UBR1: variants seen among roughly 807,000 people sequenced by gnomAD.
UBR1 encodes the protein ubiquitin protein ligase E3 component n-recognin 1, also known as E3 ubiquitin-protein ligase UBR1.
In UBR1, 102 loss-of-function variants were observed where a neutral mutation model predicts 242.1. That is an observed-to-expected ratio of 0.42 (90% CI 0.36 to 0.50). The LOEUF (loss-of-function observed/expected upper bound fraction) is 0.50, where lower values mean the gene tolerates loss of function less well. UBR1 is among the 20% of genes least tolerant of loss of function. The pLI is 0.01. For missense variants in UBR1, 1,772 were observed against 2,101.8 expected (o/e 0.84, Z 3.07); for synonymous variants, 675 against 684.8 (o/e 0.99, Z 0.22).
Position 43,059,707 on chromosome 15 carries a change from T to C in UBR1, c.980A>G (p.Tyr327Cys). 6.2e-7 allele frequency: 1 copy of C among 1,613,986 alleles called. No individual in the cohort carries two copies. Among genetic ancestry groups the C allele is most frequent in the East Asian group, 2.2e-5 (1 of 44,858 alleles). Residue 327 changes from tyrosine to cysteine, a missense_variant, in exon 8 of 47, where the codon TAT becomes TGT. This residue lies in a region of UBR1 where 734 missense variants were observed against 893.3 expected (regional missense o/e 0.82). Transcript: ENST00000290650. ...LGSWMNKIMS[Y>C]SSDFRQIFCQ... Reference sequence around the variant, plus strand: ...AAAACAGGAGGTATGCTTACTTGAATAGCTCATAATTTTGTTCATCCAGGA... The same window carrying C: ...AAAACAGGAGGTATGCTTACTTGAACAGCTCATAATTTTGTTCATCCAGGA...
At position 43,037,831 on chromosome 15, in the gene UBR1, A is replaced by G; in HGVS notation, c.1964T>C (p.Leu655Ser). The G allele has an allele frequency of 6.2e-7, 1 of 1,614,170 alleles. No individual in the cohort carries two copies. Among genetic ancestry groups the G allele is most frequent in the Non-Finnish European group, 8.5e-7 (1 of 1,180,026 alleles). Residue 655 changes from leucine (L) to serine (S), a missense_variant, in exon 17 of 47, where the codon TTG (leucine) becomes TCG (serine). Leu to Ser is a moderately radical substitution (Grantham distance 145). This residue lies in a region of UBR1 where 734 missense variants were observed against 893.3 expected (regional missense o/e 0.82). Coordinates refer to ENST00000290650, the MANE Select transcript of UBR1 (RefSeq NM_174916.3). The stretch of plus-strand genomic sequence containing the variant: ...CATCTCAGCAACAACCTGGGCAACC[A>G]ACACCAGACAACGTAAAGGATATTC... ...LVEYPLRCLV[L>S]VAQVVAEMWR...
chr15:43,084,137 A>G (rs1257536475), intron 2 of UBR1, among the ~76,000 whole-genome samples: 1 of 152,138 alleles, frequency 6.6e-6, no homozygotes, highest in East Asian at 1.9e-4. Context: ...TATATCATCT[A>G]TAGACCTATT....
chr15:42,963,569 G>A (rs755027107), intron 42 of UBR1, among the ~76,000 whole-genome samples: 5 of 151,870 alleles, frequency 3.3e-5, no homozygotes, highest in Non-Finnish European at 7.4e-5. Flanking sequence ...CCTGATACAT[G>A]CGCTACCATG....
intron 11 of UBR1, 54 bp from the exon 12 acceptor site, chr15:43,054,953 C>G: frequency 1.3e-6 from 2 of 1,585,050 alleles, no homozygotes; most frequent in Non-Finnish European, 1.7e-6. Context: ...GTGGTATGGA[C>G]TTAATTTATT....
intron 17 of UBR1, 61 bp from the exon 18 acceptor site, chr15:43,036,654 A>C: frequency 5.1e-6 from 6 of 1,180,336 alleles, no homozygotes; most frequent in Non-Finnish European, 7.5e-6. Context: ...CAAAATTCTC[A>C]AGAAAACCTA....
intron 4 of UBR1, among the ~76,000 whole-genome samples, chr15:43,073,161 AAAAAAC>A (rs1328579883): frequency 6.6e-6 from 1 of 152,182 alleles, no homozygotes; most frequent in Non-Finnish European, 1.5e-5. Flanking sequence ...AAAAAAACAA[AAAAAAC>A]AAAAACAAAA....
Position 42,988,885 on chromosome 15 carries a change from C to T in UBR1, c.3931G>A (p.Asp1311Asn). The T allele has an allele frequency of 6.2e-7, 1 of 1,614,192 alleles. No homozygotes were observed. Among genetic ancestry groups the T allele is most frequent in the Non-Finnish European group, 8.5e-7 (1 of 1,180,016 alleles). Reference sequence around the variant, plus strand: ...ATGGGGACTCGAGGATCCCTTTCATCAGGTGGCACTTTCAATCCAATTCTA... The same window carrying T: ...ATGGGGACTCGAGGATCCCTTTCATTAGGTGGCACTTTCAATCCAATTCTA... ...IYRIGLKVPP[D>N]ERDPRVPMLT... The change falls in exon 35 of 47, where the codon GAT (aspartate) becomes AAT (asparagine). Residue 1311 changes from aspartate to asparagine, a missense_variant. Around this residue, in one of 3 missense-constraint regions of UBR1, gnomAD observed 965 missense variants for 1,079.7 expected, o/e 0.89. Transcript: ENST00000290650.
intron 35 of UBR1, among the ~76,000 whole-genome samples, chr15:42,986,631 T>C (rs1219948228): frequency 6.6e-6 from 1 of 152,242 alleles, no homozygotes. Context: ...CTTTCCTATA[T>C]CCCACTTGAT....
Position 42,974,418 on chromosome 15 carries a change from C to A in UBR1, c.4369+2299G>T, listed in dbSNP as rs2032256408. 1.3e-5 allele frequency among the ~76,000 whole-genome samples: 2 copies of A among 152,138 alleles called. 1 individual carries two copies. Among genetic ancestry groups the A allele is most frequent in the South Asian group, 4.1e-4 (2 of 4,824 alleles). ...TATATCTGGGCTCTCTTTCATATTT[C>A]ATTGATCTATTTGTCTAATCTTTTG... On this transcript the variant is annotated intron_variant, in intron 39 of 46. Transcript: ENST00000290650.
intron 39 of UBR1, among the ~76,000 whole-genome samples, chr15:42,976,245 C>A (rs747210174): frequency 1.3e-5 from 2 of 151,932 alleles, no homozygotes; most frequent in African/African-American, 4.8e-5. Flanking sequence ...GACAAAGGAG[C>A]AGAGAGAGAG....
rs1437045284 is a variant in UBR1, at chr15:43,054,792, A to G, written c.1389T>C (p.Gly463=). The part of the protein sequence containing the change: ...LDRNNKFNFQ[G]YSQDKLGRVY... ...CTCTTCCCAATTTGTCCTGGCTATA[A>G]CCCTGGAAGTTGAATTTATTGTTCC... is the stretch of plus-strand genomic sequence containing the variant. The change falls in exon 12 of 47, where the codon GGT becomes GGC. Residue 463 remains glycine, a synonymous_variant. Coordinates refer to ENST00000290650, the MANE Select transcript of UBR1 (RefSeq NM_174916.3). 6.2e-7 allele frequency: 1 copy of G among 1,614,142 alleles called. No homozygotes were observed. Among genetic ancestry groups the G allele is most frequent in the South Asian group, 1.1e-5 (1 of 91,086 alleles).
chr15:43,064,037 T>C (rs1465390504), intron 6 of UBR1, among the ~76,000 whole-genome samples: 2 of 152,214 alleles, frequency 1.3e-5, no homozygotes, highest in Admixed American at 1.3e-4. Flanking sequence ...TGCCCAGCAT[T>C]TGAATGCCTG....
At chr15:43,004,995 A>G (rs1234600578) in intron 30 of UBR1, among the ~76,000 whole-genome samples, 2 of 140,140 alleles carry the variant, frequency 1.4e-5, no homozygotes, top group Admixed American at 7.0e-5. Context: ...ACGCCGCCCC[A>G]TCTGGGATGT....
rs146690613 is a variant in UBR1 at position 43,054,776 on chromosome 15, A to G, written c.1405T>C (p.Leu469=). ...CATATTACTGCATATACTCTTCCCA[A>G]TTTGTCCTGGCTATAACCCTGGAAG... The part of the protein sequence containing the change: ...FNFQGYSQDK[L]GRVYAVICDL... Residue 469 remains leucine, a synonymous_variant, in exon 12 of 47, where the codon TTG becomes CTG. Transcript: ENST00000290650. The G allele has an allele frequency of 4.5e-5, 72 of 1,613,968 alleles. No individual in the cohort carries two copies. Among genetic ancestry groups the G allele is most frequent in the Non-Finnish European group, 5.8e-5 (69 of 1,180,016 alleles).
chr15:42,985,772 T>C (rs905491075), intron 35 of UBR1, among the ~76,000 whole-genome samples: 3 of 151,994 alleles, frequency 2.0e-5, no homozygotes, highest in African/African-American at 7.2e-5. Flanking sequence ...GAGGACTGCT[T>C]GAGCTCAGAA....
chr15:43,021,214 G>T, intron 27 of UBR1, 61 bp downstream of exon 27: 1 of 1,398,474 alleles, frequency 7.2e-7, no homozygotes, highest in Non-Finnish European at 1.0e-6. Flanking sequence ...AACACTGGAG[G>T]CAAGCAGAGA....
chr15:43,025,697 T>C (rs1233031014), intron 23 of UBR1: 2 of 391,960 alleles, frequency 5.1e-6, no homozygotes, highest in Non-Finnish European at 9.3e-6. Flanking sequence ...CAGGGTACTA[T>C]GCTATGGGCT....
intron 29 of UBR1, among the ~76,000 whole-genome samples, chr15:43,010,366 G>A (rs568726559): frequency 1.3e-5 from 2 of 149,940 alleles, no homozygotes; most frequent in East Asian, 1.9e-4. Context: ...ACTGAAAAAC[G>A]CTGAGCTTGT....
At chr15:43,034,953 C>G (rs2033312871) in intron 19 of UBR1, among the ~76,000 whole-genome samples, 2 of 150,720 alleles carry the variant, frequency 1.3e-5, no homozygotes, top group Non-Finnish European at 3.0e-5. Context: ...AAATCCACTT[C>G]TAAAAATGTG....
Sources: gnomAD v4.1 joint callset for allele counts (sites outside exome capture counted in the v4.1 genomes callset) on GRCh38, gnomAD v4.1.1 for gene constraint, gnomAD v4.1.1 regional missense constraint, MANE v1.5 for transcripts, NCBI Gene and HGNC (gene_info 2026-07-23, HGNC 2026-07-21) for gene names.